JAKMIP3: variants seen among roughly 807,000 people sequenced by gnomAD.
JAKMIP3 encodes the protein Janus kinase and microtubule interacting protein 3.
In JAKMIP3, 58 loss-of-function variants were observed where a neutral mutation model predicts 118.5. The ratio of observed to expected loss-of-function variants is 0.49; its 90% CI spans 0.40 to 0.61. JAKMIP3 has a LOEUF of 0.61. JAKMIP3 is among the 20% of genes least tolerant of loss of function. JAKMIP3 has a pLI of 0.00. For synonymous variants in JAKMIP3, 486 were observed against 451.2 expected (o/e 1.08, Z -0.98); for missense variants, 950 against 1,109.0 (o/e 0.86, Z 2.04).
chr10:132,082,167 T>G (rs79114924), intron 1 of JAKMIP3, among the ~76,000 whole-genome samples: 1 of 57,230 alleles, frequency 1.7e-5, no homozygotes, highest in African/African-American at 1.0e-4. Flanking sequence ...GCATTGTTTG[T>G]TTGGGGGGGG....
chr10:132,148,008 A>G lies in JAKMIP3; in HGVS notation c.1806A>G (p.Arg602=), dbSNP rs777402837. 1.4e-5 allele frequency: 22 copies of G among 1,610,928 alleles called. No homozygotes were observed. The highest frequency in any genetic ancestry group is 3.4e-5 in the Admixed American group (2 of 59,598). ...TCAGACACGAGGTGCAGGACGCCAGAGACCAAAACGAGCTGCTGGAGTTCA... is the reference window on the plus strand; with the variant it reads ...TCAGACACGAGGTGCAGGACGCCAGGGACCAAAACGAGCTGCTGGAGTTCA... ...ARLRHEVQDA[R]DQNELLEFRI... Residue 602 remains arginine (R), a synonymous_variant, in exon 14 of 24, where the codon AGA becomes AGG. Transcript: ENST00000684848.
chr10:132,120,557 T>C (rs2048376675), intron 3 of JAKMIP3, among the ~76,000 whole-genome samples: 1 of 152,192 alleles, frequency 6.6e-6, no homozygotes, highest in African/African-American at 2.4e-5. Context: ...TTAAATAAAA[T>C]AATGAAAAAC....
chr10:132,048,470 C>G (rs1398515150), intron 1 of JAKMIP3, among the ~76,000 whole-genome samples: 2 of 152,170 alleles, frequency 1.3e-5, no homozygotes, highest in South Asian at 2.1e-4. Context: ...GATACTTATT[C>G]CATGGGCTAA....
At chr10:132,102,902 G>A (rs970793830) in intron 1 of JAKMIP3, among the ~76,000 whole-genome samples, 8 of 151,432 alleles carry the variant, frequency 5.3e-5, no homozygotes, top group South Asian at 2.1e-4. Flanking sequence ...TCACCAGGCC[G>A]GAGAGGAGAT....
At chr10:132,061,335 CGTT>C (rs908216700), upstream of JAKMIP3, among the ~76,000 whole-genome samples, 13 of 152,300 alleles carry the variant, frequency 8.5e-5, no homozygotes, top group African/African-American at 1.9e-4. Context: ...ATGCATCACA[CGTT>C]GTGCAAAACC....
intron 11 of JAKMIP3, among the ~76,000 whole-genome samples, chr10:132,143,209 AC>A (rs1336387258): frequency 6.6e-6 from 1 of 152,066 alleles, no homozygotes; most frequent in African/African-American, 2.4e-5. Context: ...TGTCTCCGTA[AC>A]TGGGGACTTT....
At chr10:132,137,593 C>T (rs1469450358) in intron 8 of JAKMIP3, among the ~76,000 whole-genome samples, 8 of 152,322 alleles carry the variant, frequency 5.3e-5, no homozygotes, top group Admixed American at 2.6e-4. Flanking sequence ...TCCGGCTGCT[C>T]ACCCCACCAT....
At position 132,179,063 on chromosome 10, in the gene JAKMIP3, C is replaced by T. The variant is rs1191414243; in HGVS notation, c.*1104-3294C>T. 2.6e-5 allele frequency among the ~76,000 whole-genome samples: 4 copies of T among 152,236 alleles called. No homozygotes were observed. Among genetic ancestry groups the T allele is most frequent in the Non-Finnish European group, 5.9e-5 (4 of 68,042 alleles). ...GACCTGTGGAAACACCCTGTGTCAG[C>T]CCTGGGTGGTGCCCCAGGCATGCTG... On this transcript the variant is annotated intron_variant, in intron 23 of 23. Transcript: ENST00000684848. The surrounding 1 kb of genome is among the most constrained non-coding windows in gnomAD (Gnocchi z 4.3).
At position 132,180,566 on chromosome 10, in the gene JAKMIP3, T is replaced by TGC. The variant is rs1359194010; in HGVS notation, c.*1104-1789_*1104-1788dup. Among the ~76,000 whole-genome samples the TGC allele has an allele frequency of 9.1e-4, 29 of 31,714 alleles. 4 individuals carry two copies. The highest frequency in any genetic ancestry group is 2.5e-3 in the South Asian group (2 of 812). The allele number at this position is 31,714 out of a possible 152,430, so 20.8% of individuals were successfully genotyped here. A position where few individuals can be genotyped will look rare whatever the true frequency, so the allele number is the denominator to read the frequency against. On this transcript the variant is annotated intron_variant, in intron 23 of 23. Coordinates refer to ENST00000684848, the MANE Select transcript of JAKMIP3 (RefSeq NM_001323087.2). ...GTGTGCGTGCGTGCATGCGTGTGTG[T>TGC]GCGTGTGTGTGTGCGTGCGCGTGTG... is the stretch of plus-strand genomic sequence containing the variant.
At chr10:132,167,790 G>A (rs1278282839) in intron 22 of JAKMIP3, among the ~76,000 whole-genome samples, 163 bp from the exon 23 acceptor site, 1 of 149,046 alleles carries the variant, frequency 6.7e-6, no homozygotes, top group East Asian at 2.0e-4. Flanking sequence ...TCCTCTCCAC[G>A]CAGCCCTTCG....
intron 9 of JAKMIP3, 101 bp from the exon 10 acceptor site, chr10:132,140,349 TG>T: frequency 6.7e-7 from 1 of 1,499,590 alleles, no homozygotes; most frequent in South Asian, 1.2e-5. Context: ...TGTCGCAGGG[TG>T]GGGCTGCGGC....
At chr10:132,098,791 G>A (rs952058838) in intron 1 of JAKMIP3, among the ~76,000 whole-genome samples, 12 of 152,278 alleles carry the variant, frequency 7.9e-5, no homozygotes, top group East Asian at 5.8e-4. Flanking sequence ...TTACCACAGC[G>A]CTCCTCTCTC....
intron 1 of JAKMIP3, among the ~76,000 whole-genome samples, chr10:132,069,576 T>TC (rs1203817296): frequency 4.0e-5 from 6 of 151,250 alleles, no homozygotes; most frequent in Admixed American, 6.6e-5. Flanking sequence ...AGGTCTGGCA[T>TC]CCCCCCCTGC....
At chr10:132,134,012 C>T (rs1015105553) in intron 4 of JAKMIP3, among the ~76,000 whole-genome samples, 4 of 152,266 alleles carry the variant, frequency 2.6e-5, no homozygotes, top group Non-Finnish European at 5.9e-5. Context: ...CACCCTCCCA[C>T]CCGCTTCTCA....
intron 2 of JAKMIP3, among the ~76,000 whole-genome samples, chr10:132,111,628 A>G (rs1001882721): frequency 6.6e-6 from 1 of 151,964 alleles, no homozygotes. Context: ...CTATGCTGGA[A>G]CAACAAGGAA....
chr10:132,103,143 G>A (rs2045262230), intron 1 of JAKMIP3, among the ~76,000 whole-genome samples: 1 of 152,060 alleles, frequency 6.6e-6, no homozygotes, highest in Non-Finnish European at 1.5e-5. Flanking sequence ...ACAGGTGACA[G>A]GAGCAGAAGG....
rs2038040516 is a variant in JAKMIP3, at chr10:132,049,591, T to C, written c.-138+12853T>C. ...AAATCGGGGTGTTTTTCCATATCCTTGAATGCTGTTTGCGTGTGCCCGGTT... is the reference window on the plus strand; with the variant it reads ...AAATCGGGGTGTTTTTCCATATCCTCGAATGCTGTTTGCGTGTGCCCGGTT... On this transcript the variant is annotated intron_variant, in intron 1 of 23. Transcript: ENST00000657785. The surrounding 1 kb of genome is among the most constrained non-coding windows in gnomAD (Gnocchi z 4.3). Among the ~76,000 whole-genome samples, 1 of 152,130 alleles carries C rather than the reference T, an allele frequency of 6.6e-6. No individual in the cohort carries two copies. Among genetic ancestry groups the C allele is most frequent in the Non-Finnish European group, 1.5e-5 (1 of 68,028 alleles).
chr10:132,167,859 C>CCTCACCT (rs2059100775), intron 22 of JAKMIP3, 94 bp from the exon 23 acceptor site: 1 of 715,188 alleles, frequency 1.4e-6, no homozygotes, highest in Non-Finnish European at 1.9e-6. Context: ...GCCCCTCACC[C>CCTCACCT]CTCGGCCCTC....
intron 9 of JAKMIP3, 65 bp downstream of exon 9, chr10:132,138,243 G>C (rs1001904084): frequency 1.4e-6 from 2 of 1,424,648 alleles, no homozygotes; most frequent in Non-Finnish European, 1.9e-6. Flanking sequence ...GACCACGCCC[G>C]CGTGTGTGGA....
Sources: gnomAD v4.1 joint callset for allele counts (sites outside exome capture counted in the v4.1 genomes callset) on GRCh38, gnomAD v4.1.1 for gene constraint, Gnocchi (gnomAD v3.1) non-coding constraint, MANE v1.5 for transcripts, NCBI Gene and HGNC (gene_info 2026-07-23, HGNC 2026-07-21) for gene names.